Variants in TNFAIP8L1 observed in about 807,000 individuals in gnomAD.
The protein encoded by TNFAIP8L1 is TNF alpha induced protein 8 like 1, also known as tumor necrosis factor alpha-induced protein 8-like protein 1.
For missense variants in TNFAIP8L1, 225 were observed against 266.1 expected, an observed-to-expected ratio of 0.85 and a Z score of 1.08; for synonymous variants, 127 against 125.6, an observed-to-expected ratio of 1.01 and a Z score of -0.08.
At position 4,651,973 on chromosome 19, in the gene TNFAIP8L1, G is replaced by A; in HGVS notation, c.104G>A (p.Ser35Asn). The A allele has an allele frequency of 6.2e-7, 1 of 1,614,136 alleles. No homozygotes were observed. Among genetic ancestry groups the A allele is most frequent in the Non-Finnish European group, 8.5e-7 (1 of 1,180,010 alleles). ...GTGGCCGTGCTGGTGGATGACACCA[G>A]CAGTGAGGTGCTGGATGAGCTGTAC... ...AVVAVLVDDT[S>N]SEVLDELYRA... is the part of the protein sequence containing the mutation. The change falls in exon 2 of 2, where the codon AGC becomes AAC. Residue 35 changes from serine to asparagine, a missense_variant. Physicochemically the swap from Ser to Asn is conservative, Grantham distance 46. Coordinates refer to ENST00000327473, the MANE Select transcript of TNFAIP8L1 (RefSeq NM_152362.3).
chr19:4,650,541 A>T (rs1379258514), intron 1 of TNFAIP8L1, among the ~76,000 whole-genome samples: 2 of 151,986 alleles, frequency 1.3e-5, no homozygotes, highest in Non-Finnish European at 2.9e-5. Flanking sequence ...GGGCTGGGGA[A>T]ACTGGGCAGG....
chr19:4,640,827 G>A (rs140000829), intron 1 of TNFAIP8L1: 1,984 of 152,530 alleles, frequency 0.013, 24 homozygotes, highest in Non-Finnish European at 0.018. Flanking sequence ...AAGCTCCCTG[G>A]ATGGGCCGGA....
chr19:4,643,002 GC>G (rs1243983897), intron 1 of TNFAIP8L1, among the ~76,000 whole-genome samples: 2 of 152,016 alleles, frequency 1.3e-5, no homozygotes, highest in African/African-American at 4.8e-5. Flanking sequence ...GTTGCGTTAG[GC>G]CAGGCAGGGT....
At chr19:4,647,589 G>A (rs1599826474) in intron 1 of TNFAIP8L1, among the ~76,000 whole-genome samples, 1 of 148,340 alleles carries the variant, frequency 6.7e-6, no homozygotes, top group East Asian at 2.0e-4. Context: ...GGGATTACAG[G>A]TGTGAGTCAG....
At chr19:4,649,540 G>T (rs2088342873) in intron 1 of TNFAIP8L1, among the ~76,000 whole-genome samples, 1 of 152,216 alleles carries the variant, frequency 6.6e-6, no homozygotes, top group Non-Finnish European at 1.5e-5. Flanking sequence ...GGCCAGTTGA[G>T]GGCGTTAGGT....
intron 1 of TNFAIP8L1, among the ~76,000 whole-genome samples, chr19:4,648,666 CG>C (rs1214161890): frequency 2.0e-5 from 3 of 152,180 alleles, no homozygotes; most frequent in African/African-American, 7.2e-5. Context: ...GACTCCCGTC[CG>C]GAATCAACTT....
At position 4,655,450 on chromosome 19, in the gene TNFAIP8L1, C is replaced by G. The variant is rs1452939137; in HGVS notation, c.*3020C>G. 3.3e-5 allele frequency: 5 copies of G among 152,206 alleles called. No individual in the cohort carries two copies. The highest frequency in any genetic ancestry group is 4.8e-5 in the African/African-American group (2 of 41,452). The allele number at this position is 152,206 out of a possible 1,614,324, so 9.4% of individuals were successfully genotyped here. A position where few individuals can be genotyped will look rare whatever the true frequency, so the allele number is the denominator to read the frequency against. On this transcript the variant is annotated 3_prime_UTR_variant, in exon 2 of 2. Coordinates refer to ENST00000327473, the MANE Select transcript of TNFAIP8L1 (RefSeq NM_152362.3). ...TTGAGACATCAGTGTGTAAAACTCT[C>G]TGTGTCCCTGTTGGGCTGTCCAGAC...
At chr19:4,643,327 T>G (rs551194016) in intron 1 of TNFAIP8L1, among the ~76,000 whole-genome samples, 5 of 151,752 alleles carry the variant, frequency 3.3e-5, no homozygotes, top group African/African-American at 9.7e-5. Flanking sequence ...AGGGGCTGGA[T>G]GCACCTCCTG....
intron 1 of TNFAIP8L1, among the ~76,000 whole-genome samples, chr19:4,642,850 G>T (rs978069347): frequency 6.6e-6 from 1 of 152,040 alleles, no homozygotes; most frequent in African/African-American, 2.4e-5. Flanking sequence ...GAGGGTGGTG[G>T]GCAGGGGAAG....
intron 1 of TNFAIP8L1, among the ~76,000 whole-genome samples, chr19:4,648,557 C>T (rs1189299966): frequency 6.6e-6 from 1 of 152,212 alleles, no homozygotes; most frequent in Non-Finnish European, 1.5e-5. Context: ...GGAAGGGAGG[C>T]CACAGCTGCT....
intron 1 of TNFAIP8L1, among the ~76,000 whole-genome samples, chr19:4,642,857 G>A (rs540803708): frequency 6.6e-6 from 1 of 152,106 alleles, no homozygotes; most frequent in Non-Finnish European, 1.5e-5. Flanking sequence ...GTGGGCAGGG[G>A]AAGGATGGAA....
At chr19:4,648,995 T>G (rs2088337523) in intron 1 of TNFAIP8L1, among the ~76,000 whole-genome samples, 1 of 150,210 alleles carries the variant, frequency 6.7e-6, no homozygotes, top group Middle Eastern at 3.2e-3. Flanking sequence ...AGTGGTGTGA[T>G]CTCAGCTGAC....
chr19:4,652,503 G>T lies in TNFAIP8L1; in HGVS notation c.*73G>T, dbSNP rs939358271. 6.5e-6 allele frequency: 9 copies of T among 1,393,508 alleles called. No individual in the cohort carries two copies. The highest frequency in any genetic ancestry group is 3.0e-5 in the African/African-American group (2 of 67,546). 86.3% of individuals were successfully genotyped at this position (1,393,508 alleles called of 1,614,324 possible). A position where few individuals can be genotyped will look rare whatever the true frequency, so the allele number is the denominator to read the frequency against. ...TGCTGGGCGCGGGTGGGGTTTGTGG[G>T]TTTTTTTCCACCTCTTTTCTCCCAA... On this transcript the variant is annotated 3_prime_UTR_variant, in exon 2 of 2. Transcript: ENST00000327473.
At position 4,652,281 on chromosome 19, in the gene TNFAIP8L1, A is replaced by C; in HGVS notation, c.412A>C (p.Lys138Gln). Residue 138 changes from lysine (K) to glutamine (Q), a missense_variant, in exon 2 of 2, where the codon AAG (lysine) becomes CAG (glutamine). By Grantham distance (53) the Lys-to-Gln change is moderately conservative (BLOSUM62 1). Transcript: ENST00000327473. ...GGCCGTGGGTCCCCACCTGACCGCC[A>C]AGTCCCACGGCCGCATCAACCACGT... ...HQAVGPHLTAKSHGRINHVFG... is the reference protein window; with the variant it reads ...HQAVGPHLTAQSHGRINHVFG... 6.4e-7 allele frequency: 1 copy of C among 1,566,202 alleles called. No individual in the cohort carries two copies. Among genetic ancestry groups the C allele is most frequent in the Non-Finnish European group, 8.6e-7 (1 of 1,158,960 alleles).
At chr19:4,649,226 G>A (rs374210541) in intron 1 of TNFAIP8L1, among the ~76,000 whole-genome samples, 262 of 148,692 alleles carry the variant, frequency 1.8e-3, no homozygotes, top group African/African-American at 6.1e-3. Flanking sequence ...CACCGCGCCC[G>A]GCCAGCTTTT....
chr19:4,641,945 A>G lies in TNFAIP8L1; in HGVS notation c.-4+2316A>G, dbSNP rs1214160384. 6.6e-6 allele frequency: 1 copy of G among 152,220 alleles called. No individual in the cohort carries two copies. Among genetic ancestry groups the G allele is most frequent in the Non-Finnish European group, 1.5e-5 (1 of 68,064 alleles). 9.4% of individuals were successfully genotyped at this position (152,220 alleles called of 1,614,324 possible). On this transcript the variant is annotated intron_variant, in intron 1 of 1. Transcript: ENST00000327473. The surrounding 1 kb of genome is among the most constrained non-coding windows in gnomAD (Gnocchi z 4.6). ...CTGTGACTCAGTTTCCTTATAACCA[A>G]AAACTTGCAGGTCCATCTAGAGAAT... is the stretch of plus-strand genomic sequence containing the variant.
chr19:4,646,635 ATT>A (rs879544415), intron 1 of TNFAIP8L1, among the ~76,000 whole-genome samples: 3 of 141,324 alleles, frequency 2.1e-5, no homozygotes, highest in African/African-American at 5.2e-5. Flanking sequence ...TCTCCTGAAC[ATT>A]TTTTTTTTTT....
intron 1 of TNFAIP8L1, among the ~76,000 whole-genome samples, chr19:4,643,236 G>A (rs892159305): frequency 2.6e-5 from 4 of 151,118 alleles, no homozygotes; most frequent in African/African-American, 7.3e-5. Flanking sequence ...CCGAGATCAC[G>A]CCGCTGCACT....
chr19:4,646,288 G>A (rs1024236955), intron 1 of TNFAIP8L1, among the ~76,000 whole-genome samples: 9 of 147,632 alleles, frequency 6.1e-5, no homozygotes, highest in African/African-American at 1.5e-4. Context: ...ACGCCCGGCC[G>A]ACTTTTTTTT....
Sources: allele counts gnomAD v4.1 joint callset (sites outside exome capture counted in the v4.1 genomes callset), GRCh38; gene constraint gnomAD v4.1.1; non-coding constraint Gnocchi (gnomAD v3.1); transcripts MANE v1.5; gene names NCBI Gene and HGNC (gene_info 2026-07-23, HGNC 2026-07-21).